MYO3B: variants seen among roughly 807,000 people sequenced by gnomAD.
MYO3B encodes myosin IIIB.
Under a neutral mutation model 174.6 loss-of-function variants are expected in MYO3B, and 156 were observed. The observed-to-expected ratio is 0.89, with a 90% CI of 0.78 to 1.02. MYO3B has a LOEUF of 1.02. MYO3B is among the 50% of genes least tolerant of loss of function. The probability of loss-of-function intolerance (pLI) is 0.00; values close to 1 mark genes in which losing one functional copy is unlikely to be tolerated. For synonymous variants in MYO3B, 563 were observed against 569.1 expected (o/e 0.99, Z 0.15); for missense variants, 1,632 against 1,639.4 (o/e 1.00, Z 0.08).
intron 25 of MYO3B, among the ~76,000 whole-genome samples, chr2:170,485,955 C>T (rs1440975649): frequency 2.0e-5 from 3 of 152,070 alleles, no homozygotes; most frequent in African/African-American, 7.2e-5. Context: ...AGCTAAAATG[C>T]AGATTGGTGG....
At chr2:170,185,363 G>T (rs1191743560) in intron 1 of MYO3B, among the ~76,000 whole-genome samples, 1 of 152,000 alleles carries the variant, frequency 6.6e-6, no homozygotes, top group Non-Finnish European at 1.5e-5. Context: ...TTTGCATATG[G>T]ATAACCAATT....
At chr2:170,577,710 A>C (rs1692869584) in intron 32 of MYO3B, among the ~76,000 whole-genome samples, 2 of 152,132 alleles carry the variant, frequency 1.3e-5, no homozygotes, top group South Asian at 2.1e-4. Context: ...AAATATCTTA[A>C]ATTTTAGAAG....
At chr2:170,284,752 A>G (rs920112189) in intron 7 of MYO3B, among the ~76,000 whole-genome samples, 4 of 152,228 alleles carry the variant, frequency 2.6e-5, no homozygotes, top group Non-Finnish European at 5.9e-5. Context: ...ATTTGCTTAA[A>G]TTCCTTTTTC....
intron 7 of MYO3B, among the ~76,000 whole-genome samples, chr2:170,261,397 C>G (rs1348722254): frequency 1.3e-5 from 2 of 152,144 alleles, no homozygotes; most frequent in African/African-American, 4.8e-5. Context: ...CAAAACAAAA[C>G]AAAACAAAAC....
intron 23 of MYO3B, among the ~76,000 whole-genome samples, chr2:170,461,775 TAA>T (rs5836280): frequency 5.0e-3 from 728 of 144,576 alleles, no homozygotes; most frequent in Admixed American, 6.0e-3. Flanking sequence ...AAACTCCGTT[TAA>T]AAAAAAAAAA....
intron 30 of MYO3B, among the ~76,000 whole-genome samples, chr2:170,525,760 A>T (rs1688956987): frequency 6.6e-6 from 1 of 152,198 alleles, no homozygotes; most frequent in Admixed American, 6.5e-5. Flanking sequence ...CTCAGAATTG[A>T]TGAGCCAGAG....
intron 32 of MYO3B, among the ~76,000 whole-genome samples, chr2:170,571,407 T>C (rs902719857): frequency 8.5e-5 from 13 of 152,208 alleles, no homozygotes; most frequent in Non-Finnish European, 1.6e-4. Flanking sequence ...GTAGTTTGTT[T>C]TGTTAGAGTG....
Position 170,241,036 on chromosome 2 carries a change from G to A in MYO3B, c.749+4900G>A, listed in dbSNP as rs535715215. Among the ~76,000 whole-genome samples the A allele has an allele frequency of 1.3e-3, 203 of 152,158 alleles. 2 individuals are homozygous for A. Among genetic ancestry groups the A allele is most frequent in the Non-Finnish European group, 1.2e-3 (84 of 68,014 alleles). ...TGTCTTATCTCACCTTCCTTGCAAA[G>A]TTGTATCTCCCGTGTCAGGGCTATT... On this transcript the variant is annotated intron_variant, in intron 7 of 34. Transcript: ENST00000408978.
At chr2:170,455,679 T>C (rs1683864964) in intron 23 of MYO3B, among the ~76,000 whole-genome samples, 3 of 152,232 alleles carry the variant, frequency 2.0e-5, no homozygotes, top group Non-Finnish European at 4.4e-5. Context: ...TAAAATTCCA[T>C]GTGTGGAGCC....
intron 32 of MYO3B, among the ~76,000 whole-genome samples, chr2:170,548,406 C>T (rs1351691288): frequency 1.3e-5 from 2 of 152,172 alleles, no homozygotes; most frequent in African/African-American, 4.8e-5. Context: ...TCTCATTCAG[C>T]AGGTCTGAGT....
Position 170,443,957 on chromosome 2 carries a change from T to A in MYO3B, c.2651-10T>A. The A allele has an allele frequency of 6.2e-7, 1 of 1,605,772 alleles. No homozygotes were observed. Among genetic ancestry groups the A allele is most frequent in the African/African-American group, 1.3e-5 (1 of 75,010 alleles). Reference sequence around the variant, plus strand: ...CCTTTAATTTATGTTCTTTGTGGTCTCTTTCTCAGGTAATTTGGCCCAGAC... The same window carrying A: ...CCTTTAATTTATGTTCTTTGTGGTCACTTTCTCAGGTAATTTGGCCCAGAC... On this transcript the variant is annotated splice_polypyrimidine_tract_variant and intron_variant, in intron 22 of 34. Transcript: ENST00000408978.
chr2:170,295,244 GT>G (rs1349473947), intron 7 of MYO3B, among the ~76,000 whole-genome samples: 13 of 151,676 alleles, frequency 8.6e-5, no homozygotes, highest in Non-Finnish European at 1.5e-5. Flanking sequence ...TAATGGGCTA[GT>G]TTATTCTGTT....
chr2:170,561,639 A>C (rs893608791), intron 32 of MYO3B, among the ~76,000 whole-genome samples: 2 of 152,222 alleles, frequency 1.3e-5, no homozygotes, highest in African/African-American at 4.8e-5. Flanking sequence ...GGAATTGACT[A>C]ATTGTAAAGA....
At chr2:170,264,592 T>C (rs933657779) in intron 7 of MYO3B, among the ~76,000 whole-genome samples, 1 of 152,222 alleles carries the variant, frequency 6.6e-6, no homozygotes, top group Non-Finnish European at 1.5e-5. Flanking sequence ...TTGTGTGATT[T>C]CGGATGAGTT....
intron 32 of MYO3B, among the ~76,000 whole-genome samples, chr2:170,563,420 C>T (rs183702935): frequency 2.0e-5 from 3 of 152,090 alleles, no homozygotes; most frequent in African/African-American, 4.8e-5. Context: ...GAGAGATGAC[C>T]TTCAGTTAAG....
chr2:170,653,768 C>G lies in MYO3B; in HGVS notation c.*647C>G, dbSNP rs1286686658. 2 of 152,220 alleles carry G rather than the reference C, an allele frequency of 1.3e-5. No homozygotes were observed. The highest frequency in any genetic ancestry group is 2.9e-5 in the Non-Finnish European group (2 of 68,060). 9.4% of individuals were successfully genotyped at this position (152,220 alleles called of 1,614,324 possible). ...TTGTTAATTATGATGCTGAGAAAGC[C>G]TCTGTCTCTTTATTTCACCTTGCCA... On this transcript the variant is annotated 3_prime_UTR_variant, in exon 35 of 35. Coordinates refer to ENST00000408978, the MANE Select transcript of MYO3B (RefSeq NM_138995.5).
chr2:170,448,490 G>A (rs763630928), intron 23 of MYO3B, among the ~76,000 whole-genome samples: 14 of 152,302 alleles, frequency 9.2e-5, no homozygotes, highest in Middle Eastern at 3.4e-3. Context: ...TTGACCCCTA[G>A]GTAAGAGGAG....
In MYO3B at chr2:170,402,879, T is replaced by G; in HGVS notation, c.2161T>G (p.Leu721Val). 3 of 1,612,314 alleles carry G rather than the reference T, an allele frequency of 1.9e-6. No homozygotes were observed. Among genetic ancestry groups the G allele is most frequent in the Non-Finnish European group, 2.5e-6 (3 of 1,178,626 alleles). ...AGGAGGTGGAATGAATGTGGGGATC[T>G]TGGATATCTTTGGATTCGAGAATTT... ...SAGGGMNVGI[L>V]DIFGFENFQR... is the part of the protein sequence containing the mutation. The change falls in exon 19 of 35, where the codon TTG becomes GTG. Residue 721 changes from leucine to valine, a missense_variant. By Grantham distance (32) the Leu-to-Val change is conservative. Transcript: ENST00000408978.
intron 14 of MYO3B, among the ~76,000 whole-genome samples, chr2:170,388,827 C>A (rs2094393425): frequency 6.6e-6 from 1 of 152,204 alleles, no homozygotes; most frequent in Non-Finnish European, 1.5e-5. Flanking sequence ...GCATCTTCCT[C>A]TATCATGTAC....
Sources: allele counts gnomAD v4.1 joint callset (sites outside exome capture counted in the v4.1 genomes callset), GRCh38; gene constraint gnomAD v4.1.1; transcripts MANE v1.5; gene names NCBI Gene and HGNC (gene_info 2026-07-23, HGNC 2026-07-21).